Variants in AP3D1 observed in about 807,000 individuals in gnomAD.
The protein encoded by AP3D1 is AP-3 complex subunit delta-1.
Under a neutral mutation model 147.6 loss-of-function variants are expected in AP3D1, and 51 were observed. The ratio of observed to expected loss-of-function variants is 0.35; its 90% CI spans 0.28 to 0.44. The LOEUF (loss-of-function observed/expected upper bound fraction) is 0.44. Ranked by LOEUF, AP3D1 falls within the 20% of genes least tolerant of loss-of-function variation. The probability of loss-of-function intolerance (pLI) is 1.00; values close to 1 mark genes in which losing one functional copy is unlikely to be tolerated. For missense variants in AP3D1, 1,421 were observed against 1,624.2 expected, an observed-to-expected ratio of 0.87 and a Z score of 2.15; for synonymous variants, 760 against 663.0, an observed-to-expected ratio of 1.15 and a Z score of -2.25.
At chr19:2,150,472 C>CT (rs1461900378) in intron 1 of AP3D1, among the ~76,000 whole-genome samples, 1 of 152,236 alleles carries the variant, frequency 6.6e-6, no homozygotes, top group African/African-American at 2.4e-5. Context: ...TTCTGGAAAA[C>CT]TATTTCCTCG....
At chr19:2,107,837 C>T (rs796155893) in intron 31 of AP3D1, among the ~76,000 whole-genome samples, 54 of 152,262 alleles carry the variant, frequency 3.5e-4, no homozygotes, top group African/African-American at 1.1e-3. Flanking sequence ...GAAAGTGACC[C>T]GGTATCATCA....
In AP3D1 at chr19:2,106,223, G is replaced by A. The variant is rs1291307373; in HGVS notation, c.3552+2464C>T. Among the ~76,000 whole-genome samples the A allele has an allele frequency of 3.3e-5, 5 of 152,174 alleles. No individual in the cohort carries two copies. The South Asian group carries it at 1.0e-3, about 32-fold the overall frequency. On this transcript the variant is annotated intron_variant, in intron 31 of 31. Coordinates refer to ENST00000643116, the MANE Select transcript of AP3D1 (RefSeq NM_001261826.3). ...CTGGCAGCTCCTCAAAACCTCAAAC[G>A]TGGCATTACCACAGGACCCAGCAAT...
intron 1 of AP3D1, among the ~76,000 whole-genome samples, chr19:2,148,303 T>C (rs2019416001): frequency 2.0e-5 from 3 of 151,986 alleles, no homozygotes; most frequent in Admixed American, 2.0e-4. Flanking sequence ...CCAAGACACA[T>C]ACACATGAGA....
intron 1 of AP3D1, among the ~76,000 whole-genome samples, chr19:2,150,239 G>A (rs1454340328): frequency 6.6e-6 from 1 of 152,142 alleles, no homozygotes; most frequent in African/African-American, 2.4e-5. Flanking sequence ...GGTATCAGAC[G>A]GCGGCTCTCT....
At chr19:2,107,125 T>C (rs1231810087) in intron 31 of AP3D1, among the ~76,000 whole-genome samples, 1 of 150,452 alleles carries the variant, frequency 6.6e-6, no homozygotes, top group Non-Finnish European at 1.5e-5. Context: ...TAGCCGGATG[T>C]GGTGGCGGGC....
At position 2,121,403 on chromosome 19, in the gene AP3D1, A is replaced by T. The variant is rs930725855; in HGVS notation, c.1102-92T>A. On this transcript the variant is annotated intron_variant, in intron 12 of 31. Transcript: ENST00000643116. ...AACACCTGCTCCTGAGACAGAATCC[A>T]CGGGACACAGGCGGACCCGGATTCA... is the stretch of plus-strand genomic sequence containing the variant. 1.2e-5 allele frequency: 17 copies of T among 1,477,188 alleles called. No homozygotes were observed. The African/African-American group carries it at 2.2e-4, about 19-fold the overall frequency. The allele number at this position is 1,477,188 out of a possible 1,614,324, so 91.5% of individuals were successfully genotyped here. A position where few individuals can be genotyped will look rare whatever the true frequency, so the allele number is the denominator to read the frequency against.
chr19:2,110,693 G>C lies in AP3D1; in HGVS notation c.3175+14C>G. 1.3e-6 allele frequency: 2 copies of C among 1,578,918 alleles called. No homozygotes were observed. The highest frequency in any genetic ancestry group is 1.7e-6 in the Non-Finnish European group (2 of 1,162,266). On this transcript the variant is annotated intron_variant, in intron 27 of 31. Coordinates refer to ENST00000643116, the MANE Select transcript of AP3D1 (RefSeq NM_001261826.3). ...ACAGTCCCCAGGAGAGGCCGTGAGT[G>C]GGGCAGGGCTCACCTGGGGGCAGCT...
intron 15 of AP3D1, 140 bp from the exon 16 acceptor site, chr19:2,117,507 C>T: frequency 3.3e-6 from 3 of 922,408 alleles, no homozygotes; most frequent in Non-Finnish European, 4.6e-6. Flanking sequence ...AGAGCCCAGC[C>T]TTCATGCCGT....
chr19:2,149,167 G>T (rs890091302), intron 1 of AP3D1, among the ~76,000 whole-genome samples: 2 of 152,244 alleles, frequency 1.3e-5, no homozygotes, highest in African/African-American at 4.8e-5. Context: ...CAGACACTGC[G>T]TGTCCTGCCT....
upstream of AP3D1, among the ~76,000 whole-genome samples, chr19:2,152,238 T>TA (rs113847413): frequency 0.12 from 18,742 of 151,656 alleles, 2,263 homozygotes; most frequent in African/African-American, 0.31. Context: ...ATTGAGATTG[T>TA]AAAAAAAAGC....
intron 1 of AP3D1, among the ~76,000 whole-genome samples, chr19:2,150,857 T>C (rs1163054677): frequency 3.3e-5 from 5 of 152,070 alleles, no homozygotes; most frequent in Admixed American, 6.6e-5. Context: ...GCAAGTCTCC[T>C]GGGAGGGTGG....
chr19:2,151,814 G>A (rs895782848), upstream of AP3D1, among the ~76,000 whole-genome samples: 1 of 152,274 alleles, frequency 6.6e-6, no homozygotes, highest in Non-Finnish European at 1.5e-5. Context: ...CTGAGCCCTA[G>A]CCACGCCCCT....
chr19:2,139,846 T>C (rs987703423), intron 1 of AP3D1, among the ~76,000 whole-genome samples: 1 of 152,118 alleles, frequency 6.6e-6, no homozygotes, highest in Admixed American at 6.5e-5. Flanking sequence ...TCAGCCCCAC[T>C]GTAGCTGGCC....
chr19:2,119,526 T>C (rs185098697), intron 14 of AP3D1, among the ~76,000 whole-genome samples: 3 of 152,012 alleles, frequency 2.0e-5, no homozygotes, highest in African/African-American at 7.2e-5. Flanking sequence ...ACCCCATCTC[T>C]ACTAAAAAAT....
chr19:2,140,755 CTTTTTTT>C (rs71176516), intron 1 of AP3D1, among the ~76,000 whole-genome samples: 1 of 107,196 alleles, frequency 9.3e-6, no homozygotes, highest in African/African-American at 3.4e-5. Flanking sequence ...ACACAAACGT[CTTTTTTT>C]TTTTTTTTTT....
At position 2,114,822 on chromosome 19, in the gene AP3D1, C is replaced by T; in HGVS notation, c.2350-1G>A. On this transcript the variant is annotated splice_acceptor_variant, in intron 20 of 31. Transcript: ENST00000643116. LOFTEE classifies it high-confidence loss of function. ...CATCCTCGTCGCTGGGCAGAGCATT[C>T]TGACAGGAAGAGAGGAACCCCATCA... is the stretch of plus-strand genomic sequence containing the variant. 1 of 1,614,006 alleles carries T rather than the reference C, an allele frequency of 6.2e-7. No homozygotes were observed. The highest frequency in any genetic ancestry group is 8.5e-7 in the Non-Finnish European group (1 of 1,179,938).
chr19:2,120,685 G>A (rs2018584072), intron 14 of AP3D1, among the ~76,000 whole-genome samples, 177 bp downstream of exon 14: 1 of 152,216 alleles, frequency 6.6e-6, no homozygotes, highest in Non-Finnish European at 1.5e-5. Flanking sequence ...CCTCTGTAAA[G>A]GGGGAATGGG....
chr19:2,148,520 G>GA (rs1206657712), intron 1 of AP3D1, among the ~76,000 whole-genome samples: 2 of 152,170 alleles, frequency 1.3e-5, no homozygotes, highest in African/African-American at 4.8e-5. Flanking sequence ...AACCCACAAA[G>GA]AGGTCACAGC....
chr19:2,109,638 A>G (rs2018209614), intron 29 of AP3D1: 2 of 551,494 alleles, frequency 3.6e-6, no homozygotes, highest in Non-Finnish European at 6.5e-6. Context: ...AGCCTTCAGG[A>G]CTTCCAGGGG....
Sources: allele counts gnomAD v4.1 joint callset (sites outside exome capture counted in the v4.1 genomes callset), GRCh38; gene constraint gnomAD v4.1.1; transcripts MANE v1.5; gene names NCBI Gene and HGNC (gene_info 2026-07-23, HGNC 2026-07-21).